The following ATP1B4 variants were observed in gnomAD, a reference collection of about 807,000 sequenced individuals.
ATP1B4 encodes the protein protein ATP1B4.
A neutral mutation model predicts 29.6 loss-of-function variants in ATP1B4; 32 were observed. The observed-to-expected ratio is 1.08, with a 90% CI of 0.82 to 1.45. The LOEUF (loss-of-function observed/expected upper bound fraction) is 1.45. ATP1B4 is among the 40% of genes most tolerant of loss of function. The pLI is 0.00. For missense variants in ATP1B4, 323 were observed against 276.2 expected (o/e 1.17, Z -1.20); for synonymous variants, 127 against 102.1 (o/e 1.24, Z -1.47).
In ATP1B4 at chrX:120,375,372, G is replaced by T. The variant is rs2058347539; in HGVS notation, c.563G>T (p.Gly188Val). ...YVISLNGFLQGYNDSLQEEMN... is the reference protein window; with the variant it reads ...YVISLNGFLQVYNDSLQEEMN... ...CTGTTGCCACTCACACATGCTTTAG[G>T]TTATAATGACAGTCTTCAAGAGGAA... Residue 188 changes from glycine to valine, a missense_variant and splice_region_variant, in exon 5 of 8, where the codon GGT becomes GTT. Coordinates refer to ENST00000218008, the MANE Select transcript of ATP1B4 (RefSeq NM_001142447.3). 2 of 1,205,092 alleles carry T rather than the reference G, an allele frequency of 1.7e-6. No individual in the cohort carries two copies. The highest frequency in any genetic ancestry group is 2.2e-6 in the Non-Finnish European group (2 of 892,507).
intron 2 of ATP1B4, among the ~76,000 whole-genome samples, chrX:120,368,266 A>G (rs2063136499): frequency 9.0e-6 from 1 of 111,282 alleles, no homozygotes; most frequent in Admixed American, 9.6e-5. Context: ...GAATTCATCC[A>G]CTGGGCTACC....
At chrX:120,374,749 G>GTA (rs1211844886) in intron 4 of ATP1B4, among the ~76,000 whole-genome samples, 8 of 8,985 alleles carry the variant, frequency 8.9e-4, no homozygotes, top group East Asian at 0.015. Context: ...ATATAAGGGT[G>GTA]TATATATATA....
In ATP1B4 at chrX:120,381,708, C is replaced by T. The variant is rs1328854419; in HGVS notation, c.*2074C>T. 2.7e-5 allele frequency: 3 copies of T among 112,360 alleles called. No homozygotes were observed. 9.3% of individuals were successfully genotyped at this position (112,360 alleles called of 1,213,427 possible). On this transcript the variant is annotated 3_prime_UTR_variant, in exon 8 of 8. Coordinates refer to ENST00000218008, the MANE Select transcript of ATP1B4 (RefSeq NM_001142447.3). ...TCAAGTGATCCGCCTGCCTCAGCCT[C>T]CCACAGTGCTGGGATTACAGGCGTG... is the stretch of plus-strand genomic sequence containing the variant.
Position 120,370,712 on chromosome X carries a change from C to T in ATP1B4, c.329-3C>T. The T allele has an allele frequency of 8.3e-7, 1 of 1,210,129 alleles. No individual in the cohort carries two copies. Among genetic ancestry groups the T allele is most frequent in the Non-Finnish European group, 1.1e-6 (1 of 894,882 alleles). Reference sequence around the variant, plus strand: ...ACCACTCTCATCTGTGATTGCTCTGCAGGCCTGATCTTACTCATTTACTTC... The same window carrying T: ...ACCACTCTCATCTGTGATTGCTCTGTAGGCCTGATCTTACTCATTTACTTC... On this transcript the variant is annotated splice_polypyrimidine_tract_variant and splice_region_variant and intron_variant, in intron 2 of 7. Coordinates refer to ENST00000218008, the MANE Select transcript of ATP1B4 (RefSeq NM_001142447.3).
intron 2 of ATP1B4, among the ~76,000 whole-genome samples, chrX:120,369,973 G>A (rs1239983167): frequency 9.0e-6 from 1 of 111,522 alleles, no homozygotes; most frequent in Non-Finnish European, 1.9e-5. Context: ...GATATTGTTA[G>A]GGATATAGAT....
chrX:120,371,885 G>A (rs959815912), intron 4 of ATP1B4, among the ~76,000 whole-genome samples: 12 of 112,464 alleles, frequency 1.1e-4, no homozygotes, highest in African/African-American at 3.9e-4. Flanking sequence ...AGCCAGGATG[G>A]TCTTGATCTC....
chrX:120,376,573 T>C, intron 6 of ATP1B4, 137 bp downstream of exon 6: 1 of 518,453 alleles, frequency 1.9e-6, no homozygotes, highest in Non-Finnish European at 3.2e-6. Flanking sequence ...CTCTCTTTAG[T>C]TCCTTCAGGT....
intron 1 of ATP1B4, among the ~76,000 whole-genome samples, chrX:120,364,486 G>T (rs1328808828): frequency 9.0e-6 from 1 of 111,475 alleles, no homozygotes; most frequent in Non-Finnish European, 1.9e-5. Flanking sequence ...TTAACTGTCA[G>T]CTTTACACTG....
chrX:120,369,323 C>T (rs1025883200), intron 2 of ATP1B4, among the ~76,000 whole-genome samples: 2 of 112,332 alleles, frequency 1.8e-5, no homozygotes, highest in Non-Finnish European at 3.8e-5. Context: ...TGTTCATGTT[C>T]CAGTTCTGCT....
At chrX:120,375,085 G>A (rs1171507508) in intron 4 of ATP1B4, among the ~76,000 whole-genome samples, 1 of 108,622 alleles carries the variant, frequency 9.2e-6, no homozygotes, top group Non-Finnish European at 1.9e-5. Context: ...TAAAGTGACT[G>A]ACATAGGACC....
chrX:120,365,973 G>C (rs1404608615), intron 1 of ATP1B4, among the ~76,000 whole-genome samples: 1 of 111,712 alleles, frequency 9.0e-6, no homozygotes, highest in Non-Finnish European at 1.9e-5. Flanking sequence ...TGTTTCTGTT[G>C]GGAAGGAAGG....
chrX:120,378,648 C>A (rs1369794695), intron 6 of ATP1B4, 30 bp from the exon 7 acceptor site: 2 of 1,147,542 alleles, frequency 1.7e-6, no homozygotes, highest in Admixed American at 2.2e-5. Flanking sequence ...TGTGACCCAG[C>A]ACCCCACATA....
chrX:120,367,896 C>T (rs1213365737), intron 2 of ATP1B4, among the ~76,000 whole-genome samples: 1 of 111,300 alleles, frequency 9.0e-6, no homozygotes, highest in African/African-American at 3.3e-5. Flanking sequence ...CCCACAAACT[C>T]TCAACTGGAA....
intron 1 of ATP1B4, among the ~76,000 whole-genome samples, chrX:120,362,434 G>A (rs924602239): frequency 9.0e-6 from 1 of 111,448 alleles, no homozygotes; most frequent in Non-Finnish European, 1.9e-5. Flanking sequence ...ATAAAAGGAG[G>A]AAGCCCCTCT....
intron 6 of ATP1B4, 31 bp downstream of exon 6, chrX:120,376,467 G>A (rs1454060394): frequency 1.7e-6 from 2 of 1,161,330 alleles, no homozygotes; most frequent in East Asian, 3.0e-5. Context: ...AGCATTGTTA[G>A]CACATCTGTT....
At chrX:120,368,008 C>G (rs1470075465) in intron 2 of ATP1B4, among the ~76,000 whole-genome samples, 1 of 111,849 alleles carries the variant, frequency 8.9e-6, no homozygotes, top group Non-Finnish European at 1.9e-5. Context: ...TCTCCCTTGC[C>G]TAAAGAGGAC....
chrX:120,378,829 G>A, intron 7 of ATP1B4, 56 bp downstream of exon 7: 3 of 1,045,668 alleles, frequency 2.9e-6, no homozygotes, highest in Non-Finnish European at 4.0e-6. Flanking sequence ...GACAAAAGAA[G>A]AGCTGGCTGG....
chrX:120,370,427 C>T (rs1013021123), intron 2 of ATP1B4, among the ~76,000 whole-genome samples: 2 of 111,539 alleles, frequency 1.8e-5, no homozygotes, highest in Admixed American at 1.9e-4. Context: ...AGCAATTTTC[C>T]CTCTGCAATA....
At chrX:120,376,293 A>T in intron 5 of ATP1B4, 87 bp from the exon 6 acceptor site, 1 of 871,248 alleles carries the variant, frequency 1.1e-6, no homozygotes, top group Non-Finnish European at 1.7e-6. Flanking sequence ...AGGAAGCATG[A>T]CTGGGAGGAA....
Sources: allele counts gnomAD v4.1 joint callset (sites outside exome capture counted in the v4.1 genomes callset), GRCh38; gene constraint gnomAD v4.1.1; transcripts MANE v1.5; gene names NCBI Gene and HGNC (gene_info 2026-07-23, HGNC 2026-07-21).